The following BAZ1B variants were observed in gnomAD, a reference collection of about 807,000 sequenced individuals.
BAZ1B encodes tyrosine-protein kinase BAZ1B.
BAZ1B carries 22 observed loss-of-function variants against 153.8 expected under a neutral mutation model. The observed-to-expected ratio is 0.14, with a 90% CI of 0.10 to 0.20. The LOEUF (loss-of-function observed/expected upper bound fraction) is 0.20, where lower values mean the gene tolerates loss of function less well. Ranked by LOEUF, BAZ1B falls within the 10% of genes least tolerant of loss-of-function variation. BAZ1B has a pLI of 1.00. For synonymous variants in BAZ1B, 676 were observed against 633.4 expected (o/e 1.07, Z -1.01); for missense variants, 1,325 against 1,799.3 (o/e 0.74, Z 4.77).
Position 73,476,600 on chromosome 7 carries a change from A to G in BAZ1B, c.2593+268T>C, listed in dbSNP as rs547460154. 1.8e-3 allele frequency among the ~76,000 whole-genome samples: 272 copies of G among 152,342 alleles called. 1 individual carries two copies. Among genetic ancestry groups the G allele is most frequent in the African/African-American group, 6.2e-3 (257 of 41,584 alleles). On this transcript the variant is annotated intron_variant, in intron 7 of 19. Coordinates refer to ENST00000339594, the MANE Select transcript of BAZ1B (RefSeq NM_032408.4). ...GTCCTATGTTGTTTCCACTATTTCTATTTGTAGATTTGGTCCTTTACTGAA... is the reference window on the plus strand; with the variant it reads ...GTCCTATGTTGTTTCCACTATTTCTGTTTGTAGATTTGGTCCTTTACTGAA...
chr7:73,518,560 G>T (rs1350599863), intron 1 of BAZ1B, among the ~76,000 whole-genome samples: 1 of 152,148 alleles, frequency 6.6e-6, no homozygotes, highest in Admixed American at 6.5e-5. Flanking sequence ...CATGCTCTAA[G>T]GCAGACGCAG....
intron 1 of BAZ1B, among the ~76,000 whole-genome samples, chr7:73,519,666 G>C (rs912441660): frequency 6.6e-6 from 1 of 152,044 alleles, no homozygotes; most frequent in African/African-American, 2.4e-5. Flanking sequence ...ATATGAAAAA[G>C]CCTGCGTTGC....
intron 3 of BAZ1B, among the ~76,000 whole-genome samples, chr7:73,503,396 GAC>G (rs1790214224): frequency 6.6e-6 from 1 of 151,434 alleles, no homozygotes. Flanking sequence ...TTGTTTTTGA[GAC>G]AGGGTCTTGC....
intron 9 of BAZ1B, 102 bp from the exon 10 acceptor site, chr7:73,466,503 C>T: frequency 1.4e-6 from 1 of 697,406 alleles, no homozygotes; most frequent in South Asian, 1.8e-5. Context: ...TGTAACAACA[C>T]AGATACTTCC....
chr7:73,512,127 A>G (rs1350627932), intron 1 of BAZ1B, among the ~76,000 whole-genome samples: 4 of 151,144 alleles, frequency 2.6e-5, no homozygotes, highest in Non-Finnish European at 4.4e-5. Flanking sequence ...AACCTTGAGC[A>G]TACATTAATG....
chr7:73,467,304 A>T (rs769262598), intron 9 of BAZ1B, among the ~76,000 whole-genome samples: 2 of 152,042 alleles, frequency 1.3e-5, no homozygotes, highest in African/African-American at 4.8e-5. Flanking sequence ...TCCCCACTTT[A>T]ACCTGAAACA....
At chr7:73,468,180 A>G (rs1327383477) in intron 9 of BAZ1B, among the ~76,000 whole-genome samples, 2 of 152,188 alleles carry the variant, frequency 1.3e-5, no homozygotes, top group African/African-American at 4.8e-5. Flanking sequence ...CCAACACATA[A>G]GCAATTTTCA....
intron 11 of BAZ1B, 132 bp from the exon 12 acceptor site, chr7:73,463,231 T>C: frequency 1.2e-6 from 1 of 837,102 alleles, no homozygotes; most frequent in Admixed American, 3.0e-5. Context: ...TGGTGTTTTT[T>C]CTTTTTTCTT....
chr7:73,449,810 A>G, intron 14 of BAZ1B, 121 bp from the exon 15 acceptor site: 1 of 1,079,766 alleles, frequency 9.3e-7, no homozygotes, highest in Non-Finnish European at 1.3e-6. Flanking sequence ...ATAGAATGCT[A>G]CCCAGTTGTT....
At chr7:73,492,037 G>A (rs1789668578) in intron 5 of BAZ1B, among the ~76,000 whole-genome samples, 5 of 142,348 alleles carry the variant, frequency 3.5e-5, no homozygotes, top group Admixed American at 3.0e-4. Flanking sequence ...ATGTTGCCCA[G>A]GCTGGAGTGC....
chr7:73,443,317 G>A (rs1035117125), intron 17 of BAZ1B, among the ~76,000 whole-genome samples: 4 of 152,236 alleles, frequency 2.6e-5, no homozygotes, highest in South Asian at 2.1e-4. Context: ...CTCTTCCACC[G>A]TAGACATGTG....
At chr7:73,494,364 C>A (rs1333368418) in intron 4 of BAZ1B, among the ~76,000 whole-genome samples, 11 of 152,114 alleles carry the variant, frequency 7.2e-5, no homozygotes, top group African/African-American at 2.7e-4. Context: ...GCCTGGGCAA[C>A]AGAGCGAGAC....
chr7:73,503,604 G>A (rs1266008591), intron 3 of BAZ1B, among the ~76,000 whole-genome samples: 1 of 152,094 alleles, frequency 6.6e-6, no homozygotes, highest in Non-Finnish European at 1.5e-5. Context: ...CAAACTCCTA[G>A]CTTCAAGCCA....
intron 13 of BAZ1B, among the ~76,000 whole-genome samples, chr7:73,458,567 T>C (rs1027382563): frequency 6.6e-6 from 1 of 151,620 alleles, no homozygotes; most frequent in Non-Finnish European, 1.5e-5. Flanking sequence ...TTCCAGCTAC[T>C]TGGGAGGCTG....
intron 9 of BAZ1B, among the ~76,000 whole-genome samples, chr7:73,468,235 A>G (rs1037810760): frequency 3.3e-5 from 5 of 152,190 alleles, no homozygotes; most frequent in Non-Finnish European, 5.9e-5. Context: ...TGGATCATTT[A>G]ACCTAGTGGT....
intron 1 of BAZ1B, among the ~76,000 whole-genome samples, chr7:73,516,115 C>A (rs1554579246): frequency 6.6e-6 from 1 of 152,146 alleles, no homozygotes; most frequent in Non-Finnish European, 1.5e-5. Context: ...CCACTGTACT[C>A]CAGCCTGGGC....
chr7:73,493,326 G>A (rs187130158), intron 4 of BAZ1B, among the ~76,000 whole-genome samples: 426 of 152,080 alleles, frequency 2.8e-3, no homozygotes, highest in Admixed American at 6.5e-3. Context: ...CGGGCTTGGT[G>A]GTGCATCCCT....
intron 17 of BAZ1B, 96 bp downstream of exon 17, chr7:73,443,888 G>A: frequency 6.4e-7 from 1 of 1,570,290 alleles, no homozygotes; most frequent in Non-Finnish European, 8.7e-7. Context: ...GGAGGGGGGA[G>A]GCTCCCCTCC....
chr7:73,513,036 C>G (rs1470284008), intron 1 of BAZ1B, among the ~76,000 whole-genome samples: 1 of 152,132 alleles, frequency 6.6e-6, no homozygotes, highest in Admixed American at 6.6e-5. Flanking sequence ...CTCACTGTAG[C>G]CTTGACCTCC....
Sources: gnomAD v4.1 joint callset for allele counts (sites outside exome capture counted in the v4.1 genomes callset) on GRCh38, gnomAD v4.1.1 for gene constraint, MANE v1.5 for transcripts, NCBI Gene and HGNC (gene_info 2026-07-23, HGNC 2026-07-21) for gene names.